PALB2: variants seen among roughly 807,000 people sequenced by gnomAD.
PALB2 encodes partner and localizer of BRCA2, also known as mutant partner and localizer of BRCA2.
In PALB2, 82 loss-of-function variants were observed where a neutral mutation model predicts 107.4. The ratio of observed to expected loss-of-function variants is 0.76; its 90% CI spans 0.64 to 0.92. PALB2 has a LOEUF of 0.92. Among genes scored for constraint, PALB2 ranks in the 40% least tolerant of loss-of-function variants. The probability of loss-of-function intolerance (pLI) is 0.00; values close to 1 mark genes in which losing one functional copy is unlikely to be tolerated. For synonymous variants in PALB2, 489 were observed against 496.8 expected (o/e 0.98, Z 0.21); for missense variants, 1,374 against 1,379.9 (o/e 1.00, Z 0.07).
intron 4 of PALB2, among the ~76,000 whole-genome samples, chr16:23,633,968 C>T (rs948103092): frequency 6.6e-6 from 1 of 152,102 alleles, no homozygotes. Flanking sequence ...CTTGGCCTCC[C>T]GAAGTGCTGG....
At position 23,635,654 on chromosome 16, in the gene PALB2, C is replaced by T. The variant is rs1060502765; in HGVS notation, c.892G>A (p.Val298Ile). 8.7e-6 allele frequency: 14 copies of T among 1,613,882 alleles called. No homozygotes were observed. The highest frequency in any genetic ancestry group is 3.3e-4 in the Middle Eastern group (2 of 6,084). Residue 298 changes from valine to isoleucine, a missense_variant, in exon 4 of 13, where the codon GTC becomes ATC. Coordinates refer to ENST00000261584, the MANE Select transcript of PALB2 (RefSeq NM_024675.4). ...SLEAQGKKMT[V>I]STDNLLVNKA... is the part of the protein sequence containing the mutation. The stretch of plus-strand genomic sequence containing the variant: ...TTTACAAGGAGGTTATCTGTAGAGA[C>T]AGTCATTTTTTTGCCTTGTGCCTCC...
intron 1 of PALB2, among the ~76,000 whole-genome samples, chr16:23,639,854 A>G (rs1198624823): frequency 6.6e-6 from 1 of 152,082 alleles, no homozygotes; most frequent in Non-Finnish European, 1.5e-5. Context: ...TGTGCAAAAC[A>G]TGCTACTAGA....
At chr16:23,608,379 C>T (rs1966520378) in intron 11 of PALB2, among the ~76,000 whole-genome samples, 1 of 152,054 alleles carries the variant, frequency 6.6e-6, no homozygotes, top group Non-Finnish European at 1.5e-5. Flanking sequence ...GCTTCTCCTG[C>T]TTCCGGTTCC....
At chr16:23,616,144 C>CCAT (rs1318248964) in intron 10 of PALB2, among the ~76,000 whole-genome samples, 2 of 152,180 alleles carry the variant, frequency 1.3e-5, no homozygotes, top group African/African-American at 4.8e-5. Context: ...AGAAGAGTTC[C>CCAT]CATCCCTGTT....
intron 9 of PALB2, 132 bp from the exon 10 acceptor site, chr16:23,621,610 G>A (rs1176187803): frequency 7.4e-6 from 5 of 674,470 alleles, no homozygotes; most frequent in East Asian, 2.7e-5. Flanking sequence ...CCCAGAAAAC[G>A]TGTATACTAA....
chr16:23,624,582 C>T (rs1402801429), intron 7 of PALB2, among the ~76,000 whole-genome samples: 1 of 152,196 alleles, frequency 6.6e-6, no homozygotes, highest in Admixed American at 6.5e-5. Flanking sequence ...GGCACAATCT[C>T]AGCTCATTGC....
chr16:23,637,713 A>ATAAAAT lies in PALB2; in HGVS notation c.211+131_211+136dup, dbSNP rs1196648246. ...AAGAGTGAGACTCTGTCTCAAAAAA[A>ATAAAAT]TAAAATTAAAATTAAAATTAAAATT... On this transcript the variant is annotated intron_variant, in intron 3 of 12. Transcript: ENST00000261584. 28 of 726,220 alleles carry ATAAAAT rather than the reference A, an allele frequency of 3.9e-5. 1 individual carries two copies. The East Asian group carries it at 5.5e-4, about 14-fold the overall frequency. 45.0% of individuals were successfully genotyped at this position (726,220 alleles called of 1,614,324 possible).
At chr16:23,604,209 C>G (rs1966420921) in intron 12 of PALB2, among the ~76,000 whole-genome samples, 1 of 152,174 alleles carries the variant, frequency 6.6e-6, no homozygotes, top group Non-Finnish European at 1.5e-5. Context: ...GAATTTCCCC[C>G]ACAAAAGATG....
chr16:23,640,651 C>G (rs1967205025), intron 1 of PALB2: 1 of 242,628 alleles, frequency 4.1e-6, no homozygotes, highest in Non-Finnish European at 8.1e-6. Context: ...CAGAACCATT[C>G]AGATCATACC....
At position 23,607,915 on chromosome 16, in the gene PALB2, G is replaced by C. The variant is rs2142272203; in HGVS notation, c.3299C>G (p.Thr1100Ser). The change falls in exon 12 of 13, where the codon ACT (threonine) becomes AGT (serine). Residue 1100 changes from threonine (T) to serine (S), a missense_variant. Transcript: ENST00000261584. ...FQLIVINPKT[T>S]LSVGVMLYCL... ...GTACAGCATCACACCCACGCTGAGA[G>C]TCGTCTTAGGGTTAATCACAATGAG... 6 of 1,614,122 alleles carry C rather than the reference G, an allele frequency of 3.7e-6. No individual in the cohort carries two copies. The highest frequency in any genetic ancestry group is 5.1e-6 in the Non-Finnish European group (6 of 1,180,024).
At chr16:23,616,101 C>T (rs569704837) in intron 10 of PALB2, among the ~76,000 whole-genome samples, 37 of 152,156 alleles carry the variant, frequency 2.4e-4, no homozygotes, top group Non-Finnish European at 4.6e-4. Flanking sequence ...TTTCCAATGA[C>T]CCCTGCTCCC....
intron 3 of PALB2, among the ~76,000 whole-genome samples, chr16:23,637,084 C>A (rs1967080805): frequency 6.6e-6 from 1 of 151,834 alleles, no homozygotes; most frequent in African/African-American, 2.4e-5. Context: ...CCTGTCTCTA[C>A]TAAAAATACA....
At chr16:23,640,868 C>T (rs1967216491) in intron 1 of PALB2, 2 of 517,582 alleles carry the variant, frequency 3.9e-6, no homozygotes, top group Non-Finnish European at 3.5e-6. Context: ...ACAGCTTTAT[C>T]TACAAACTGT....
At chr16:23,640,755 G>A (rs1221381467) in intron 1 of PALB2, 2 of 289,584 alleles carry the variant, frequency 6.9e-6, no homozygotes, top group South Asian at 1.7e-4. Flanking sequence ...ATTAACACAC[G>A]AAAGGACCTG....
rs539371156 is a variant in PALB2, at chr16:23,641,285, T to C, written c.-128A>G. ...GGGGAGCCCGGGATCGCACCCTCAGTGCGCGATCAGCTGACCCACGCGGGC... is the reference window on the plus strand; with the variant it reads ...GGGGAGCCCGGGATCGCACCCTCAGCGCGCGATCAGCTGACCCACGCGGGC... On this transcript the variant is annotated 5_prime_UTR_variant, in exon 1 of 13. Transcript: ENST00000261584. The C allele has an allele frequency of 4.7e-6, 6 of 1,267,678 alleles. No individual in the cohort carries two copies. Among genetic ancestry groups the C allele is most frequent in the South Asian group, 1.3e-5 (1 of 77,550 alleles). 78.5% of individuals were successfully genotyped at this position (1,267,678 alleles called of 1,614,324 possible).
rs771355581 is a variant in PALB2, at chr16:23,626,223, G to C, written c.2748+13C>G. 1.2e-5 allele frequency: 19 copies of C among 1,614,028 alleles called. No homozygotes were observed. The highest frequency in any genetic ancestry group is 1.5e-5 in the Non-Finnish European group (18 of 1,180,022). ...GCTGCAAAGATCTCTTTCAGCTCGAGATTCCCACTTACCTCTGCGAAGTGC... is the reference window on the plus strand; with the variant it reads ...GCTGCAAAGATCTCTTTCAGCTCGACATTCCCACTTACCTCTGCGAAGTGC... On this transcript the variant is annotated intron_variant, in intron 7 of 12. Coordinates refer to ENST00000261584, the MANE Select transcript of PALB2 (RefSeq NM_024675.4).
chr16:23,636,122 T>A lies in PALB2; in HGVS notation c.424A>T (p.Lys142Ter), dbSNP rs587782005. Residue 142 changes from lysine (K) to a stop codon, truncating the protein, a stop_gained, in exon 4 of 13, where the codon AAG (lysine) becomes TAG (stop). Transcript: ENST00000261584. LOFTEE classifies it high-confidence loss of function. ...VSDPSGEQKQKLPSRRKKQQK... is the reference protein window; with the variant it reads ...VSDPSGEQKQ ...TGCTTCTTTCTTCTGCTTGGCAGCT[T>A]CTGCTTTTGCTCACCACTAGGGTCA... The A allele has an allele frequency of 7.4e-6, 12 of 1,613,488 alleles. No homozygotes were observed. The highest frequency in any genetic ancestry group is 2.7e-5 in the African/African-American group (2 of 74,802).
chr16:23,608,834 A>AT (rs1183966592), intron 11 of PALB2, among the ~76,000 whole-genome samples: 321 of 140,952 alleles, frequency 2.3e-3, no homozygotes, highest in Non-Finnish European at 2.6e-3. Flanking sequence ...ATATATACAG[A>AT]TTTTTTTTTT....
chr16:23,623,499 GCCT>G (rs1966813027), intron 8 of PALB2, among the ~76,000 whole-genome samples: 1 of 121,190 alleles, frequency 8.3e-6, no homozygotes, highest in African/African-American at 3.4e-5. Flanking sequence ...ACCATACCCG[GCCT>G]TTTTTTTTTT....
Sources: gnomAD v4.1 joint callset for allele counts (sites outside exome capture counted in the v4.1 genomes callset) on GRCh38, gnomAD v4.1.1 for gene constraint, MANE v1.5 for transcripts, NCBI Gene and HGNC (gene_info 2026-07-23, HGNC 2026-07-21) for gene names.